Variants in CDH13 observed in about 807,000 individuals in gnomAD.
CDH13 encodes the protein cadherin 13.
A neutral mutation model predicts 63.8 loss-of-function variants in CDH13; 24 were observed. That is an observed-to-expected ratio of 0.38 (90% CI 0.27 to 0.53). CDH13 has a LOEUF of 0.53. Ranked by LOEUF, CDH13 falls within the 20% of genes least tolerant of loss-of-function variation. The pLI, the probability that CDH13 is intolerant of heterozygous loss-of-function variation, is 0.85. For synonymous variants in CDH13, 503 were observed against 355.3 expected (o/e 1.42, Z -4.67); for missense variants, 1,049 against 903.1 (o/e 1.16, Z -2.07).
At chr16:83,276,820 A>G (rs2089004341) in intron 5 of CDH13, among the ~76,000 whole-genome samples, 1 of 152,216 alleles carries the variant, frequency 6.6e-6, no homozygotes, top group African/African-American at 2.4e-5. Context: ...ACAGGAGCCA[A>G]GATCAGGCCA....
rs73601921 is a variant in CDH13, at chr16:83,450,045, G to C, written c.782-36432G>C. ...CCGGGCCCAGCTGCTCATCACTGGG[G>C]TTGCAGAGTTCAATGCCGACATCCC... On this transcript the variant is annotated intron_variant, in intron 6 of 13. Transcript: ENST00000567109. 9.8e-3 allele frequency among the ~76,000 whole-genome samples: 1,496 copies of C among 152,328 alleles called. 17 individuals are homozygous for C. The highest frequency in any genetic ancestry group is 0.033 in the African/African-American group (1,386 of 41,564).
At chr16:82,631,717 G>C (rs996756040) in intron 1 of CDH13, among the ~76,000 whole-genome samples, 1 of 152,228 alleles carries the variant, frequency 6.6e-6, no homozygotes, top group Non-Finnish European at 1.5e-5. Flanking sequence ...CTCAGCAGTG[G>C]CCTTATTCTA....
chr16:83,647,978 A>G (rs1911993829), intron 8 of CDH13, among the ~76,000 whole-genome samples: 1 of 152,216 alleles, frequency 6.6e-6, no homozygotes, highest in South Asian at 2.1e-4. Flanking sequence ...CTGCCTGATA[A>G]GGTAACAGCA....
chr16:82,910,782 G>A (rs117351635), intron 2 of CDH13, among the ~76,000 whole-genome samples: 568 of 152,298 alleles, frequency 3.7e-3, no homozygotes, highest in Non-Finnish European at 6.1e-3. Context: ...TTTTGGAGGT[G>A]CAGATTTAGA....
chr16:83,602,124 A>C (rs1567797602), intron 7 of CDH13, among the ~76,000 whole-genome samples: 5 of 100,812 alleles, frequency 5.0e-5, no homozygotes, highest in East Asian at 2.4e-4. Flanking sequence ...AAAAAAAAAA[A>C]AAAAAAAAAA....
intron 6 of CDH13, among the ~76,000 whole-genome samples, chr16:83,357,337 G>C (rs74034177): frequency 9.9e-5 from 15 of 152,116 alleles, no homozygotes; most frequent in Non-Finnish European, 1.9e-4. Flanking sequence ...GTACATATAC[G>C]TGTGTATGTG....
intron 10 of CDH13, among the ~76,000 whole-genome samples, chr16:83,724,269 G>A (rs1417786350): frequency 6.6e-6 from 1 of 150,820 alleles, no homozygotes; most frequent in East Asian, 2.0e-4. Context: ...ATGCATGGGT[G>A]GGTGATTAAT....
intron 6 of CDH13, among the ~76,000 whole-genome samples, chr16:83,460,425 A>C (rs1261744441): frequency 6.6e-6 from 1 of 152,188 alleles, no homozygotes; most frequent in African/African-American, 2.4e-5. Flanking sequence ...AGAGACAAGA[A>C]CACTCCTAGA....
intron 10 of CDH13, among the ~76,000 whole-genome samples, chr16:83,741,635 G>T (rs114625578): frequency 0.011 from 1,643 of 152,108 alleles, 40 homozygotes; most frequent in African/African-American, 0.037. Context: ...CATGTCTAGT[G>T]CTCTGCTATA....
intron 6 of CDH13, among the ~76,000 whole-genome samples, chr16:83,479,253 G>A (rs926081009): frequency 6.6e-6 from 1 of 152,194 alleles, no homozygotes; most frequent in African/African-American, 2.4e-5. Flanking sequence ...CCTAGAAGCA[G>A]TGTGTCTTAA....
At chr16:82,820,414 A>T (rs2151094022) in intron 1 of CDH13, among the ~76,000 whole-genome samples, 1 of 152,292 alleles carries the variant, frequency 6.6e-6, no homozygotes, top group Non-Finnish European at 1.5e-5. Context: ...TGGGGTAGGA[A>T]CTAATTTATG....
chr16:83,035,639 C>T lies in CDH13; in HGVS notation c.366+3421C>T, dbSNP rs986691792. On this transcript the variant is annotated intron_variant, in intron 3 of 13. Transcript: ENST00000567109. ...GCCCCTGAGTCCGTGCCTCCAACCC[C>T]TGCATGAGCTGGACTTTGAAGGACG... 2.6e-5 allele frequency among the ~76,000 whole-genome samples: 4 copies of T among 152,200 alleles called. No homozygotes were observed. In the East Asian group the frequency reaches 7.7e-4, roughly 29 times the overall value.
At chr16:82,757,817 A>C (rs2034674906) in intron 1 of CDH13, among the ~76,000 whole-genome samples, 1 of 151,890 alleles carries the variant, frequency 6.6e-6, no homozygotes, top group Non-Finnish European at 1.5e-5. Flanking sequence ...AGGCCAGCTA[A>C]TTTTTGTATT....
rs148017392 is a variant in CDH13 at position 83,282,037 on chromosome 16, G to A, written c.637-62825G>A. On this transcript the variant is annotated intron_variant, in intron 5 of 13. Transcript: ENST00000567109. The stretch of plus-strand genomic sequence containing the variant: ...GAGACCATTGTAGTGGTATTCATTG[G>A]CTTAATTTAAATATTGTGATATCTC... Among the ~76,000 whole-genome samples, 242 of 152,180 alleles carry A rather than the reference G, an allele frequency of 1.6e-3. 1 individual carries two copies. The highest frequency in any genetic ancestry group is 5.6e-3 in the African/African-American group (233 of 41,498).
intron 4 of CDH13, among the ~76,000 whole-genome samples, chr16:83,192,960 G>C (rs558005280): frequency 6.6e-6 from 1 of 152,134 alleles, no homozygotes; most frequent in African/African-American, 2.4e-5. Context: ...AGAAAGAGAG[G>C]AACTATGTAC....
chr16:83,260,097 T>TGCACACAC lies in CDH13; in HGVS notation c.636+42600_636+42601insGCACACAC, dbSNP rs1358317107. 1.5e-3 allele frequency among the ~76,000 whole-genome samples: 195 copies of TGCACACAC among 126,522 alleles called. 2 individuals carry two copies. Among genetic ancestry groups the TGCACACAC allele is most frequent in the African/African-American group, 5.4e-3 (184 of 34,114 alleles). The allele number at this position is 126,522 out of a possible 152,430, so 83.0% of individuals were successfully genotyped here. ...TTTTTTTGTAACCATGTACCCCCAATACACACACACACACACACACACACA... is the reference window on the plus strand; with the variant it reads ...TTTTTTTGTAACCATGTACCCCCAATGCACACACACACACACACACACACACACACACA... On this transcript the variant is annotated intron_variant, in intron 5 of 13. Transcript: ENST00000567109.
intron 5 of CDH13, among the ~76,000 whole-genome samples, chr16:83,246,127 T>C (rs1162724808): frequency 6.6e-6 from 1 of 152,168 alleles, no homozygotes; most frequent in Non-Finnish European, 1.5e-5. Context: ...TAGAATAGGG[T>C]TTTATTAATT....
chr16:82,833,175 C>T (rs1322709578), intron 1 of CDH13, among the ~76,000 whole-genome samples: 2 of 152,196 alleles, frequency 1.3e-5, no homozygotes, highest in African/African-American at 2.4e-5. Context: ...ATCTAAAAAA[C>T]AAATGTTTCG....
intron 4 of CDH13, among the ~76,000 whole-genome samples, chr16:83,216,539 A>G (rs1000172326): frequency 2.3e-4 from 32 of 140,856 alleles, no homozygotes; most frequent in African/African-American, 6.2e-4. Context: ...TATTTAATAT[A>G]TATAATGGGG....
Sources: allele counts gnomAD v4.1 joint callset (sites outside exome capture counted in the v4.1 genomes callset), GRCh38; gene constraint gnomAD v4.1.1; transcripts MANE v1.5; gene names NCBI Gene and HGNC (gene_info 2026-07-23, HGNC 2026-07-21).